The following LRP1B variants were observed in gnomAD, a reference collection of about 807,000 sequenced individuals.
The protein encoded by LRP1B is LDL receptor related protein 1B, also known as low-density lipoprotein receptor-related protein 1B.
A neutral mutation model predicts 556.6 loss-of-function variants in LRP1B; 217 were observed. The ratio of observed to expected loss-of-function variants is 0.39; its 90% CI spans 0.35 to 0.44. The LOEUF (loss-of-function observed/expected upper bound fraction) is 0.44, where lower values mean the gene tolerates loss of function less well. Among genes scored for constraint, LRP1B ranks in the 20% least tolerant of loss-of-function variants. LRP1B has a pLI of 1.00. For missense variants in LRP1B, 5,053 were observed against 5,620.8 expected, an observed-to-expected ratio of 0.90 and a Z score of 3.23; for synonymous variants, 2,047 against 1,865.8, an observed-to-expected ratio of 1.10 and a Z score of -2.50.
intron 2 of LRP1B, among the ~76,000 whole-genome samples, chr2:141,683,281 A>G (rs543909857): frequency 6.6e-6 from 1 of 152,292 alleles, no homozygotes; most frequent in East Asian, 1.9e-4. Context: ...ACAGGCTGTT[A>G]GTAGAAATCT....
chr2:141,240,915 A>G (rs779655038), intron 5 of LRP1B, among the ~76,000 whole-genome samples: 8 of 152,154 alleles, frequency 5.3e-5, no homozygotes, highest in Non-Finnish European at 1.0e-4. Context: ...GTCATGACAC[A>G]TAAAACACCA....
chr2:140,768,979 T>C (rs6742626), intron 35 of LRP1B, among the ~76,000 whole-genome samples: 116,155 of 151,514 alleles, frequency 0.77, 45,600 homozygotes, highest in East Asian at 0.99. Context: ...CCAATGGTGG[T>C]ATGTTAAGGC....
At chr2:141,828,767 A>G (rs1484922563) in intron 1 of LRP1B, among the ~76,000 whole-genome samples, 1 of 152,148 alleles carries the variant, frequency 6.6e-6, no homozygotes, top group East Asian at 1.9e-4. Context: ...AATCATCAGT[A>G]GGATCTGGTA....
intron 1 of LRP1B, among the ~76,000 whole-genome samples, chr2:142,077,459 T>C (rs1705547123): frequency 6.6e-6 from 1 of 152,154 alleles, no homozygotes; most frequent in African/African-American, 2.4e-5. Context: ...AAAATTTATC[T>C]TCACTTGCAA....
chr2:140,914,128 A>T (rs1223109615), intron 21 of LRP1B, among the ~76,000 whole-genome samples: 1 of 152,100 alleles, frequency 6.6e-6, no homozygotes, highest in Non-Finnish European at 1.5e-5. Context: ...GATTTTTTTA[A>T]AGTATGTGTT....
chr2:140,946,156 A>G (rs1291872438), intron 20 of LRP1B, among the ~76,000 whole-genome samples: 2 of 152,228 alleles, frequency 1.3e-5, no homozygotes, highest in East Asian at 1.9e-4. Context: ...ATGAAATAAC[A>G]TCTCACACCA....
intron 7 of LRP1B, among the ~76,000 whole-genome samples, chr2:141,155,303 T>C (rs1007652233): frequency 1.4e-3 from 217 of 151,966 alleles, no homozygotes; most frequent in African/African-American, 5.1e-3. Flanking sequence ...TTACCCTTTT[T>C]AAATAATTCA....
chr2:141,274,459 A>G (rs1685207283), intron 3 of LRP1B, among the ~76,000 whole-genome samples: 1 of 152,190 alleles, frequency 6.6e-6, no homozygotes, highest in Non-Finnish European at 1.5e-5. Context: ...ACAGAAGACT[A>G]CATATTGTAT....
chr2:140,981,837 T>C (rs1053935949), intron 18 of LRP1B, among the ~76,000 whole-genome samples: 5 of 152,184 alleles, frequency 3.3e-5, no homozygotes, highest in African/African-American at 1.2e-4. Context: ...TTGACAAGTT[T>C]AATCACTACA....
At chr2:140,594,342 T>C (rs1312952045) in intron 43 of LRP1B, among the ~76,000 whole-genome samples, 1 of 151,326 alleles carries the variant, frequency 6.6e-6, no homozygotes. Context: ...CATGCTGTTT[T>C]CCATTCAGAA....
intron 52 of LRP1B, 127 bp from the exon 53 acceptor site, chr2:140,507,045 G>A (rs1689448387): frequency 1.1e-6 from 1 of 902,976 alleles, no homozygotes; most frequent in South Asian, 1.9e-5. Flanking sequence ...AGAAAACTTT[G>A]CATAATATTC....
intron 3 of LRP1B, among the ~76,000 whole-genome samples, chr2:141,442,425 C>CTTTT (rs5834828): frequency 7.3e-6 from 1 of 137,558 alleles, no homozygotes; most frequent in South Asian, 2.3e-4. Flanking sequence ...TTCACACATT[C>CTTTT]TTTTTTTTTT....
intron 31 of LRP1B, among the ~76,000 whole-genome samples, chr2:140,815,014 C>A (rs6749275): frequency 0.46 from 69,163 of 151,784 alleles, 16,904 homozygotes; most frequent in East Asian, 0.58. Flanking sequence ...ACCATGTTGA[C>A]CTTCTGTGAT....
intron 35 of LRP1B, among the ~76,000 whole-genome samples, chr2:140,719,278 C>G (rs901994029): frequency 1.3e-5 from 2 of 151,858 alleles, no homozygotes; most frequent in Non-Finnish European, 2.9e-5. Context: ...CTTTTTAGCT[C>G]ATTAAGGAAC....
intron 7 of LRP1B, among the ~76,000 whole-genome samples, chr2:141,185,589 T>G (rs1419408103): frequency 6.7e-6 from 1 of 148,754 alleles, no homozygotes; most frequent in Non-Finnish European, 1.5e-5. Flanking sequence ...AATCTCTTCT[T>G]GGAAGACTGG....
intron 1 of LRP1B, among the ~76,000 whole-genome samples, chr2:142,118,392 G>T (rs1358450630): frequency 6.6e-6 from 1 of 152,048 alleles, no homozygotes; most frequent in Non-Finnish European, 1.5e-5. Context: ...AGATTTTTCA[G>T]GTGTCTCCCC....
At chr2:140,370,602 A>T in intron 71 of LRP1B, 108 bp downstream of exon 71, 1 of 1,398,164 alleles carries the variant, frequency 7.2e-7, no homozygotes. Context: ...AGTAAAGAGA[A>T]TTATTTAAAG....
chr2:140,752,400 C>T (rs901779930), intron 35 of LRP1B, among the ~76,000 whole-genome samples: 1 of 149,406 alleles, frequency 6.7e-6, no homozygotes, highest in Non-Finnish European at 1.5e-5. Flanking sequence ...TCTCGGCTCA[C>T]TGCAAACTTC....
chr2:142,112,057 C>A (rs1048378352), intron 1 of LRP1B, among the ~76,000 whole-genome samples: 2 of 151,976 alleles, frequency 1.3e-5, no homozygotes, highest in East Asian at 1.9e-4. Flanking sequence ...ATCAAGGTGC[C>A]TTTCCATCTA....
Sources: allele counts gnomAD v4.1 joint callset (sites outside exome capture counted in the v4.1 genomes callset), GRCh38; gene constraint gnomAD v4.1.1; transcripts MANE v1.5; gene names NCBI Gene and HGNC (gene_info 2026-07-23, HGNC 2026-07-21).